ATP2C2: variants seen among roughly 807,000 people sequenced by gnomAD.
The protein encoded by ATP2C2 is ATPase secretory pathway Ca2+ transporting 2, also known as calcium-transporting ATPase type 2C member 2.
A neutral mutation model predicts 110.8 loss-of-function variants in ATP2C2; 171 were observed. The ratio of observed to expected loss-of-function variants is 1.54; its 90% CI spans 1.36 to 1.75. The LOEUF (loss-of-function observed/expected upper bound fraction) is 1.75. Among genes scored for constraint, ATP2C2 ranks in the 40% most tolerant of loss-of-function variants. The pLI, the probability that ATP2C2 is intolerant of heterozygous loss-of-function variation, is 0.00. For missense variants in ATP2C2, 1,963 were observed against 1,235.0 expected, an observed-to-expected ratio of 1.59 and a Z score of -8.84; for synonymous variants, 804 against 508.4, an observed-to-expected ratio of 1.58 and a Z score of -7.82.
chr16:84,375,751 T>C (rs1225524114), intron 1 of ATP2C2, among the ~76,000 whole-genome samples: 1 of 152,252 alleles, frequency 6.6e-6, no homozygotes, highest in Non-Finnish European at 1.5e-5. Flanking sequence ...TGGAGAAAGA[T>C]CATTTTGAGC....
intron 1 of ATP2C2, among the ~76,000 whole-genome samples, chr16:84,389,508 A>G (rs1286949653): frequency 6.6e-6 from 1 of 152,182 alleles, no homozygotes; most frequent in East Asian, 1.9e-4. Flanking sequence ...ACTCGTGTAT[A>G]CTGGAAAATC....
At chr16:84,430,433 G>T (rs1257956864) in intron 11 of ATP2C2, among the ~76,000 whole-genome samples, 1 of 152,074 alleles carries the variant, frequency 6.6e-6, no homozygotes, top group East Asian at 1.9e-4. Context: ...TTGAGGTTAG[G>T]AGTTTAAGAC....
intron 11 of ATP2C2, among the ~76,000 whole-genome samples, chr16:84,429,309 AC>A (rs1414115340): frequency 6.6e-6 from 1 of 151,758 alleles, no homozygotes; most frequent in Non-Finnish European, 1.5e-5. Context: ...GCACCACCAC[AC>A]CCAGCTAATT....
At chr16:84,389,169 C>A (rs764515823) in intron 1 of ATP2C2, among the ~76,000 whole-genome samples, 29 of 152,180 alleles carry the variant, frequency 1.9e-4, no homozygotes, top group Non-Finnish European at 3.5e-4. Context: ...TTTCCACAAC[C>A]TAAGGCATTT....
intron 2 of ATP2C2, 46 bp from the exon 3 acceptor site, chr16:84,405,082 C>T (rs1332609297): frequency 6.5e-7 from 1 of 1,530,898 alleles, no homozygotes; most frequent in Non-Finnish European, 9.1e-7. Context: ...TTGCCTCATT[C>T]CTTGCTGCGC....
chr16:84,425,381 G>C (rs552271980), intron 10 of ATP2C2, among the ~76,000 whole-genome samples: 1 of 152,178 alleles, frequency 6.6e-6, no homozygotes, highest in Non-Finnish European at 1.5e-5. Flanking sequence ...CATCACAGGA[G>C]CAGTTGCATT....
chr16:84,418,238 T>G (rs553643875), intron 7 of ATP2C2, among the ~76,000 whole-genome samples: 1 of 152,318 alleles, frequency 6.6e-6, no homozygotes, highest in East Asian at 1.9e-4. Flanking sequence ...AGCCCGCGAT[T>G]GTGCCTCTGT....
intron 16 of ATP2C2, among the ~76,000 whole-genome samples, chr16:84,447,902 A>AT (rs1567733883): frequency 6.7e-6 from 1 of 148,404 alleles, no homozygotes; most frequent in African/African-American, 2.5e-5. Flanking sequence ...ATATATAATT[A>AT]ATATTATATT....
chr16:84,431,337 A>T (rs1472139590), intron 11 of ATP2C2, among the ~76,000 whole-genome samples: 1 of 152,048 alleles, frequency 6.6e-6, no homozygotes, highest in African/African-American at 2.4e-5. Context: ...CTCTACCAAA[A>T]ATACAAAATT....
At position 84,398,575 on chromosome 16, in the gene ATP2C2, A is replaced by C; in HGVS notation, c.176A>C (p.Lys59Thr). The C allele has an allele frequency of 6.2e-7, 1 of 1,613,342 alleles. No individual in the cohort carries two copies. Residue 59 changes from lysine (K) to threonine (T), a missense_variant, in exon 2 of 27, where the codon AAA becomes ACA. Transcript: ENST00000262429. ...GCCCTGCCCCCCAAGGAAGCGTGCA[A>C]ATGCCAGAAAGAGGATTTGGCCAGA... Reference protein sequence around the residue: ...VTALPPKEACKCQKEDLARAF... With the variant: ...VTALPPKEACTCQKEDLARAF...
chr16:84,445,228 A>T lies in ATP2C2; in HGVS notation c.1402-1101A>T, dbSNP rs1909637735. Among the ~76,000 whole-genome samples, 8 of 130,306 alleles carry T rather than the reference A, an allele frequency of 6.1e-5. No individual in the cohort carries two copies. The Admixed American group carries it at 6.2e-4, about 10-fold the overall frequency. The allele number at this position is 130,306 out of a possible 152,430, so 85.5% of individuals were successfully genotyped here. On this transcript the variant is annotated intron_variant, in intron 15 of 26. Transcript: ENST00000262429. ...TTTTCCTCTTTTTTTTTTTTTTTTG[A>T]GACGGAGTCTCGCTCTGTTGCCCAG...
intron 24 of ATP2C2, 105 bp downstream of exon 24, chr16:84,460,906 AACATGTAC>A (rs778071945): frequency 3.5e-6 from 5 of 1,417,996 alleles, no homozygotes; most frequent in Non-Finnish European, 4.8e-6. Context: ...GGGAGAGGCA[AACATGTAC>A]ACACACCGGA....
chr16:84,463,033 C>T (rs1911542898), intron 26 of ATP2C2: 1 of 157,256 alleles, frequency 6.4e-6, no homozygotes, highest in Non-Finnish European at 1.4e-5. Flanking sequence ...CCCCAAAACA[C>T]TCTGCTCACT....
chr16:84,401,960 G>T (rs1357843156), intron 2 of ATP2C2, among the ~76,000 whole-genome samples: 3 of 151,780 alleles, frequency 2.0e-5, no homozygotes, highest in African/African-American at 7.3e-5. Context: ...TCCAACCCAT[G>T]AACATGGAAT....
chr16:84,375,977 G>A (rs951898392), intron 1 of ATP2C2, among the ~76,000 whole-genome samples: 2 of 152,098 alleles, frequency 1.3e-5, no homozygotes, highest in African/African-American at 4.8e-5. Context: ...GGTGGGTGTA[G>A]CTGGGTGGGA....
At chr16:84,433,237 G>C (rs1908435048) in intron 11 of ATP2C2, among the ~76,000 whole-genome samples, 1 of 151,934 alleles carries the variant, frequency 6.6e-6, no homozygotes, top group Non-Finnish European at 1.5e-5. Context: ...TTTGTTATTA[G>C]CCAGGTATGG....
At chr16:84,428,654 C>T (rs78291787) in intron 11 of ATP2C2, among the ~76,000 whole-genome samples, 1 of 151,990 alleles carries the variant, frequency 6.6e-6, no homozygotes, top group Non-Finnish European at 1.5e-5. Flanking sequence ...CTTGGAAAAC[C>T]CCATCCCAGA....
At chr16:84,462,250 C>T (rs974650483) in intron 26 of ATP2C2, 121 bp downstream of exon 26, 2 of 1,333,574 alleles carry the variant, frequency 1.5e-6, no homozygotes, top group African/African-American at 1.5e-5. Context: ...TCACCAGGGG[C>T]CGGCTCTGTC....
chr16:84,463,580 C>T (rs2241634), intron 26 of ATP2C2, 34 bp from the exon 27 acceptor site: 430,221 of 1,571,300 alleles, frequency 0.27, 61,309 homozygotes, highest in Non-Finnish European at 0.3. Context: ...AGCTGCAGCC[C>T]GTCCTGAATC....
Sources: allele counts gnomAD v4.1 joint callset (sites outside exome capture counted in the v4.1 genomes callset), GRCh38; gene constraint gnomAD v4.1.1; transcripts MANE v1.5; gene names NCBI Gene and HGNC (gene_info 2026-07-23, HGNC 2026-07-21).